The following LRMDA variants were observed in gnomAD, a reference collection of about 807,000 sequenced individuals.
LRMDA encodes leucine-rich melanocyte differentiation-associated protein.
LRMDA carries 18 observed loss-of-function variants against 29.8 expected under a neutral mutation model. That is an observed-to-expected ratio of 0.60 (90% CI 0.42 to 0.90). The LOEUF is 0.90. LRMDA is among the 40% of genes least tolerant of loss of function. The pLI, the probability that LRMDA is intolerant of heterozygous loss-of-function variation, is 0.00. For missense variants in LRMDA, 273 were observed against 273.9 expected (o/e 1.00, Z 0.02); for synonymous variants, 125 against 109.4 (o/e 1.14, Z -0.89).
chr10:75,820,771 C>T (rs1311664187), intron 2 of LRMDA, among the ~76,000 whole-genome samples: 13 of 151,976 alleles, frequency 8.6e-5, no homozygotes, highest in Admixed American at 8.5e-4. Flanking sequence ...AGACCACTAA[C>T]TAAATTAGCA....
chr10:76,137,544 G>C (rs574173913), intron 5 of LRMDA, among the ~76,000 whole-genome samples: 8 of 152,050 alleles, frequency 5.3e-5, no homozygotes, highest in Non-Finnish European at 1.2e-4. Flanking sequence ...CACTGGCATT[G>C]GTACATACTT....
Position 76,557,748 on chromosome 10 carries a change from A to ATAGTC in LRMDA, c.*461_*465dup, listed in dbSNP as rs140421211. On this transcript the variant is annotated 3_prime_UTR_variant, in exon 7 of 7. Coordinates refer to ENST00000611255, the MANE Select transcript of LRMDA (RefSeq NM_001305581.2). ...GTGCTGTGGGCTTATTTTTAGTGAA[A>ATAGTC]TAGTCACAGTTTAGGGGATGGCCAT... 0.018 allele frequency: 2,988 copies of ATAGTC among 164,080 alleles called. 96 individuals carry two copies. Among genetic ancestry groups the ATAGTC allele is most frequent in the African/African-American group, 0.066 (2,779 of 41,792 alleles). 10.2% of individuals were successfully genotyped at this position (164,080 alleles called of 1,614,324 possible).
At chr10:75,697,471 A>G (rs1842249770) in intron 2 of LRMDA, among the ~76,000 whole-genome samples, 1 of 151,450 alleles carries the variant, frequency 6.6e-6, no homozygotes, top group Non-Finnish European at 1.5e-5. Flanking sequence ...TTCACTTTAG[A>G]CCAGGGTAGA....
chr10:76,239,453 C>T (rs544728394), intron 5 of LRMDA, among the ~76,000 whole-genome samples: 3 of 152,274 alleles, frequency 2.0e-5, no homozygotes, highest in East Asian at 1.9e-4. Context: ...GTATCCAGTT[C>T]GTTTGATTCA....
intron 5 of LRMDA, among the ~76,000 whole-genome samples, chr10:76,144,174 G>A (rs1261465208): frequency 6.6e-6 from 1 of 152,134 alleles, no homozygotes; most frequent in Admixed American, 6.5e-5. Context: ...TGGCGATGCG[G>A]GCTCTTTTTT....
intron 2 of LRMDA, among the ~76,000 whole-genome samples, chr10:75,989,102 G>A (rs527953440): frequency 6.6e-6 from 1 of 151,394 alleles, no homozygotes; most frequent in South Asian, 2.1e-4. Flanking sequence ...AACTCCACAA[G>A]GGCTGGGGTC....
At chr10:75,691,266 A>G (rs545910023) in intron 2 of LRMDA, among the ~76,000 whole-genome samples, 36 of 149,100 alleles carry the variant, frequency 2.4e-4, no homozygotes, top group African/African-American at 8.6e-4. Flanking sequence ...ATATGTGTAT[A>G]TATATATATA....
intron 6 of LRMDA, among the ~76,000 whole-genome samples, chr10:76,347,688 G>C (rs1309913844): frequency 6.6e-6 from 1 of 152,052 alleles, no homozygotes; most frequent in African/African-American, 2.4e-5. Context: ...TAAAACCCAA[G>C]GAACCTTAGA....
At chr10:75,928,711 G>A (rs1313228666) in intron 2 of LRMDA, among the ~76,000 whole-genome samples, 1 of 152,118 alleles carries the variant, frequency 6.6e-6, no homozygotes, top group Non-Finnish European at 1.5e-5. Flanking sequence ...GTATAACTAG[G>A]TTTTAGGTCC....
chr10:76,251,166 C>T (rs1293102938), intron 5 of LRMDA, among the ~76,000 whole-genome samples: 1 of 149,066 alleles, frequency 6.7e-6, no homozygotes, highest in African/African-American at 2.5e-5. Flanking sequence ...TAAGTCTGGT[C>T]ACACTGATAT....
chr10:76,209,483 G>A (rs936694982), intron 5 of LRMDA, among the ~76,000 whole-genome samples: 11 of 152,294 alleles, frequency 7.2e-5, no homozygotes, highest in African/African-American at 2.4e-4. Context: ...ATAAGAATTA[G>A]TATATTGTAC....
intron 2 of LRMDA, among the ~76,000 whole-genome samples, chr10:75,851,066 A>G (rs1844724624): frequency 1.3e-5 from 2 of 152,322 alleles, no homozygotes; most frequent in South Asian, 4.1e-4. Flanking sequence ...ACATGATTGA[A>G]TATGATTGGG....
At chr10:75,841,797 T>G (rs1359973122) in intron 2 of LRMDA, among the ~76,000 whole-genome samples, 1 of 152,218 alleles carries the variant, frequency 6.6e-6, no homozygotes, top group East Asian at 1.9e-4. Flanking sequence ...TCTGGAGTAG[T>G]GAGTGAGTGC....
chr10:75,677,376 A>T (rs1841973196), intron 2 of LRMDA, among the ~76,000 whole-genome samples: 2 of 94,180 alleles, frequency 2.1e-5, no homozygotes, highest in African/African-American at 5.0e-5. Flanking sequence ...TAAAAAATGT[A>T]GCTGCAGATA....
At chr10:76,386,938 A>T (rs747632900) in intron 6 of LRMDA, among the ~76,000 whole-genome samples, 1 of 152,142 alleles carries the variant, frequency 6.6e-6, no homozygotes, top group Non-Finnish European at 1.5e-5. Flanking sequence ...AAGTAAACAT[A>T]AAAAGCTCAA....
rs79324291 is a variant in LRMDA, at chr10:75,518,027, G to A, written c.131+79533G>A. 6.0e-3 allele frequency among the ~76,000 whole-genome samples: 907 copies of A among 152,298 alleles called. 8 individuals are homozygous for A. Among genetic ancestry groups the A allele is most frequent in the Admixed American group, 0.02 (311 of 15,294 alleles). On this transcript the variant is annotated intron_variant, in intron 2 of 6. Transcript: ENST00000611255. ...TTATTGATTCACCTATGTTGAACCA[G>A]CCTTGCATCCCAGGGATGAAGCCCA...
intron 2 of LRMDA, among the ~76,000 whole-genome samples, chr10:75,614,879 A>G (rs4532978): frequency 0.51 from 77,778 of 151,874 alleles, 22,345 homozygotes; most frequent in Non-Finnish European, 0.64. Flanking sequence ...CCATTGTGGA[A>G]CATCTGTGTT....
intron 5 of LRMDA, among the ~76,000 whole-genome samples, chr10:76,103,565 T>C (rs1849430734): frequency 6.6e-6 from 1 of 152,222 alleles, no homozygotes; most frequent in Non-Finnish European, 1.5e-5. Flanking sequence ...CTTCCTGAGG[T>C]TGATGAACAC....
At chr10:75,732,112 T>G (rs1017263642) in intron 2 of LRMDA, among the ~76,000 whole-genome samples, 8 of 152,162 alleles carry the variant, frequency 5.3e-5, no homozygotes, top group Admixed American at 6.5e-5. Flanking sequence ...GTGAGTTTTT[T>G]TGTGTGTGTG....
Sources: gnomAD v4.1 joint callset for allele counts (sites outside exome capture counted in the v4.1 genomes callset) on GRCh38, gnomAD v4.1.1 for gene constraint, MANE v1.5 for transcripts, NCBI Gene and HGNC (gene_info 2026-07-23, HGNC 2026-07-21) for gene names.